The following HEATR5B variants were observed in gnomAD, a reference collection of about 807,000 sequenced individuals.
The protein encoded by HEATR5B is HEAT repeat containing 5B, also known as HEAT repeat-containing protein 5B.
HEATR5B carries 156 observed loss-of-function variants against 224.1 expected under a neutral mutation model. The ratio of observed to expected loss-of-function variants is 0.70; its 90% CI spans 0.61 to 0.80. HEATR5B has a LOEUF of 0.80. HEATR5B is among the 30% of genes least tolerant of loss of function. The probability of loss-of-function intolerance (pLI) is 0.00; values close to 1 mark genes in which losing one functional copy is unlikely to be tolerated. For synonymous variants in HEATR5B, 1,027 were observed against 893.0 expected (o/e 1.15, Z -2.68); for missense variants, 2,323 against 2,535.5 (o/e 0.92, Z 1.80).
At chr2:37,063,214 C>A (rs766875202) in intron 10 of HEATR5B, among the ~76,000 whole-genome samples, 1 of 152,042 alleles carries the variant, frequency 6.6e-6, no homozygotes, top group Non-Finnish European at 1.5e-5. Context: ...GCACTGTTCT[C>A]GGTACTTTGC....
intron 16 of HEATR5B, among the ~76,000 whole-genome samples, chr2:37,056,178 T>C (rs1670898431): frequency 6.6e-6 from 1 of 152,172 alleles, no homozygotes; most frequent in Admixed American, 6.6e-5. Context: ...GAAAATTTTG[T>C]TATAAAATAC....
chr2:37,022,457 G>C (rs183210461), intron 24 of HEATR5B, among the ~76,000 whole-genome samples: 1 of 152,190 alleles, frequency 6.6e-6, no homozygotes, highest in East Asian at 1.9e-4. Flanking sequence ...GATAACAGGC[G>C]TGAGCCACCA....
chr2:37,076,168 A>T (rs1238422821), intron 4 of HEATR5B: 10 of 152,272 alleles, frequency 6.6e-5, no homozygotes, highest in African/African-American at 2.4e-4. Flanking sequence ...CACAATGCTT[A>T]TTCACACTTA....
rs767081848 is a variant in HEATR5B at position 37,070,218 on chromosome 2, C to A, written c.927+12G>T. The A allele has an allele frequency of 6.2e-7, 1 of 1,613,586 alleles. No homozygotes were observed. Among genetic ancestry groups the A allele is most frequent in the Admixed American group, 1.7e-5 (1 of 59,972 alleles). ...CCTGGCCAAAATTCTTTCACACATA[C>A]GTGTTACAAACCTGCGTAACTCCAA... On this transcript the variant is annotated intron_variant, in intron 7 of 35. Transcript: ENST00000233099.
At chr2:37,033,671 G>A (rs554689191) in intron 21 of HEATR5B, among the ~76,000 whole-genome samples, 49 of 152,244 alleles carry the variant, frequency 3.2e-4, no homozygotes, top group African/African-American at 1.2e-3. Flanking sequence ...TGGCATAAAA[G>A]TTAAGAACTC....
In HEATR5B at chr2:36,981,698, T is replaced by A. The variant is rs745540638; in HGVS notation, c.6008A>T (p.His2003Leu). The change falls in exon 36 of 36, where the codon CAT becomes CTT. Residue 2003 changes from histidine to leucine, a missense_variant. His to Leu is a moderately conservative substitution (Grantham distance 99). Around this residue, in one of 12 missense-constraint regions of HEATR5B, gnomAD observed 844 missense variants for 812.9 expected, o/e 1.04. Coordinates refer to ENST00000233099, the MANE Select transcript of HEATR5B (RefSeq NM_019024.3). ...ASASSASKDLHEFALQNLMHI... is the reference protein window; with the variant it reads ...ASASSASKDLLEFALQNLMHI... ...CATTAAATTCTGGAGTGCAAACTCATGAAGATCTTTGGAAGCTGAACTTGC... is the reference window on the plus strand; with the variant it reads ...CATTAAATTCTGGAGTGCAAACTCAAGAAGATCTTTGGAAGCTGAACTTGC... 1.9e-6 allele frequency: 3 copies of A among 1,614,128 alleles called. No individual in the cohort carries two copies. The South Asian group carries it at 3.3e-5, about 18-fold the overall frequency.
At position 37,041,166 on chromosome 2, in the gene HEATR5B, A is replaced by C; in HGVS notation, c.2823T>G (p.Ala941=). ...CAGGGGATGTCCCATCTTGTGCTAG[A>C]GCCAATAAAATGCTGACACTGGTCT... ...HLKTSVSILL[A]LAQDGTSPEV... is the part of the protein sequence containing the mutation. Residue 941 remains alanine, a synonymous_variant, in exon 19 of 36, where the codon GCT becomes GCG. Coordinates refer to ENST00000233099, the MANE Select transcript of HEATR5B (RefSeq NM_019024.3). 6.2e-7 allele frequency: 1 copy of C among 1,614,152 alleles called. No homozygotes were observed. The highest frequency in any genetic ancestry group is 8.5e-7 in the Non-Finnish European group (1 of 1,179,992).
chr2:37,042,315 G>A (rs901598853), intron 18 of HEATR5B, among the ~76,000 whole-genome samples: 1 of 152,082 alleles, frequency 6.6e-6, no homozygotes, highest in African/African-American at 2.4e-5. Flanking sequence ...AACTATACAT[G>A]GATTTCAACA....
At chr2:37,031,489 T>A (rs142900091) in intron 22 of HEATR5B, among the ~76,000 whole-genome samples, 1 of 150,774 alleles carries the variant, frequency 6.6e-6, no homozygotes, top group African/African-American at 2.4e-5. Context: ...CAGGTTGGAC[T>A]TGAACTCCTG....
At chr2:36,995,720 A>T (rs1268425771) in intron 33 of HEATR5B, among the ~76,000 whole-genome samples, 2 of 152,208 alleles carry the variant, frequency 1.3e-5, no homozygotes, top group African/African-American at 2.4e-5. Flanking sequence ...TAAACATGGT[A>T]CTTAATAGAT....
intron 7 of HEATR5B, among the ~76,000 whole-genome samples, chr2:37,069,629 CTG>C (rs1231136219): frequency 1.1e-4 from 16 of 152,188 alleles, no homozygotes; most frequent in Non-Finnish European, 1.5e-5. Context: ...TCAATGAAAA[CTG>C]AGTTACTTTA....
intron 32 of HEATR5B, 81 bp from the exon 33 acceptor site, chr2:37,000,894 A>T (rs1667049582): frequency 5.3e-6 from 5 of 947,280 alleles, no homozygotes; most frequent in Non-Finnish European, 8.0e-6. Context: ...TATTTTTTGC[A>T]TTTGATTGTG....
intron 10 of HEATR5B, among the ~76,000 whole-genome samples, 176 bp downstream of exon 10, chr2:37,064,564 G>A (rs1036677646): frequency 1.3e-4 from 19 of 151,664 alleles, no homozygotes; most frequent in Non-Finnish European, 2.4e-4. Flanking sequence ...CCTTACATCA[G>A]AATTAAATAT....
Position 37,020,684 on chromosome 2 carries a change from G to A in HEATR5B, c.4006C>T (p.His1336Tyr), listed in dbSNP as rs1668406976. 3 of 1,590,394 alleles carry A rather than the reference G, an allele frequency of 1.9e-6. No homozygotes were observed. Among genetic ancestry groups the A allele is most frequent in the Admixed American group, 1.9e-5 (1 of 51,382 alleles). ...ASVPEPEFPG[H>Y]VILEQYQANV... ...GCCTGATACTGCTCCAGTATCACAT[G>A]ACCTGGAAATTCTGGCTCAGGCACA... Residue 1336 changes from histidine (H) to tyrosine (Y), a missense_variant, in exon 25 of 36, where the codon CAT (histidine) becomes TAT (tyrosine). His to Tyr is a moderately conservative substitution (Grantham distance 83, BLOSUM62 2). This residue lies in a region of HEATR5B where 339 missense variants were observed against 378.4 expected (regional missense o/e 0.90). Coordinates refer to ENST00000233099, the MANE Select transcript of HEATR5B (RefSeq NM_019024.3).
At chr2:37,066,210 A>C (rs978900464) in intron 8 of HEATR5B, among the ~76,000 whole-genome samples, 3 of 152,224 alleles carry the variant, frequency 2.0e-5, no homozygotes, top group African/African-American at 7.2e-5. Context: ...TGCAGAAAGA[A>C]GACTCGGGTT....
Position 37,060,668 on chromosome 2 carries a change from A to G in HEATR5B, c.1762T>C (p.Ser588Pro), listed in dbSNP as rs766491347. The G allele has an allele frequency of 3.1e-6, 5 of 1,614,008 alleles. No individual in the cohort carries two copies. Among genetic ancestry groups the G allele is most frequent in the Non-Finnish European group, 4.2e-6 (5 of 1,179,948 alleles). Residue 588 changes from serine (S) to proline (P), a missense_variant, in exon 12 of 36, where the codon TCC becomes CCC. By Grantham distance (74) the Ser-to-Pro change is moderately conservative. Transcript: ENST00000233099. ...TTCTCAGCTTCCAATTCCTTTAAGG[A>G]ACGTGGGAAAACATTTCGCCACAAT... ...LLLWRNVFPR[S>P]LKELEAEKAR...
chr2:37,076,146 A>C (rs199527107), intron 4 of HEATR5B: 1 of 3,854 alleles, frequency 2.6e-4, no homozygotes, highest in Non-Finnish European at 1.8e-3. Context: ...TAGTATACTC[A>C]TCACAGTGTA....
intron 3 of HEATR5B, among the ~76,000 whole-genome samples, 171 bp from the exon 4 acceptor site, chr2:37,077,190 A>G (rs561147384): frequency 1.4e-3 from 215 of 152,272 alleles, no homozygotes; most frequent in African/African-American, 4.9e-3. Context: ...ACTATACTCT[A>G]TTTACACTGT....
chr2:36,997,150 T>C (rs1465350206), intron 33 of HEATR5B, among the ~76,000 whole-genome samples: 1 of 152,180 alleles, frequency 6.6e-6, no homozygotes, highest in African/African-American at 2.4e-5. Flanking sequence ...TACCATTTAA[T>C]GTAAGGTGTT....
Sources: allele counts gnomAD v4.1 joint callset (sites outside exome capture counted in the v4.1 genomes callset), GRCh38; gene constraint gnomAD v4.1.1; regional missense constraint gnomAD v4.1.1; transcripts MANE v1.5; gene names NCBI Gene and HGNC (gene_info 2026-07-23, HGNC 2026-07-21).